The following FAF1 variants were observed in gnomAD, a reference collection of about 807,000 sequenced individuals.
The protein encoded by FAF1 is FAS-associated factor 1.
In FAF1, 25 loss-of-function variants were observed where a neutral mutation model predicts 92.5. The observed-to-expected ratio is 0.27, with a 90% confidence interval of 0.20 to 0.38. The LOEUF (loss-of-function observed/expected upper bound fraction) is 0.38, where lower values mean the gene tolerates loss of function less well. Ranked by LOEUF, FAF1 falls within the 10% of genes least tolerant of loss-of-function variation. The pLI is 1.00. For synonymous variants in FAF1, 234 were observed against 273.2 expected (o/e 0.86, Z 1.42); for missense variants, 636 against 793.3 (o/e 0.80, Z 2.38).
chr1:50,671,421 TAA>T (rs1655871937), intron 7 of FAF1, among the ~76,000 whole-genome samples: 1 of 149,744 alleles, frequency 6.7e-6, no homozygotes, highest in African/African-American at 2.4e-5. Context: ...AAAAAAAAGG[TAA>T]AGTTTGACTT....
intron 6 of FAF1, among the ~76,000 whole-genome samples, chr1:50,713,361 C>T (rs1569818236): frequency 6.6e-6 from 1 of 151,930 alleles, no homozygotes; most frequent in East Asian, 1.9e-4. Context: ...GCAACCTCCG[C>T]CTCCCAGGAT....
chr1:50,639,877 T>A (rs1471667801), intron 8 of FAF1, among the ~76,000 whole-genome samples: 1 of 142,448 alleles, frequency 7.0e-6, no homozygotes, highest in African/African-American at 2.7e-5. Flanking sequence ...GAGGTTGCAG[T>A]GAGCCGAAAT....
intron 18 of FAF1, among the ~76,000 whole-genome samples, chr1:50,467,383 G>A (rs1224699511): frequency 7.9e-5 from 12 of 151,992 alleles, no homozygotes; most frequent in Admixed American, 7.2e-4. Context: ...GCGCAATCTC[G>A]GCTCACTGCA....
intron 9 of FAF1, among the ~76,000 whole-genome samples, chr1:50,590,433 T>A (rs1274164754): frequency 1.3e-5 from 2 of 152,266 alleles, no homozygotes; most frequent in Admixed American, 6.5e-5. Flanking sequence ...TCTAATTTTC[T>A]GTTCAGCTTG....
chr1:50,543,252 C>T (rs1648841184), intron 13 of FAF1, among the ~76,000 whole-genome samples: 1 of 152,104 alleles, frequency 6.6e-6, no homozygotes, highest in South Asian at 2.1e-4. Flanking sequence ...CCAAGCTATA[C>T]TCTAACATAA....
chr1:50,857,137 T>C (rs1227824181), intron 2 of FAF1, among the ~76,000 whole-genome samples: 1 of 151,794 alleles, frequency 6.6e-6, no homozygotes, highest in Non-Finnish European at 1.5e-5. Context: ...TTTTCATATT[T>C]TGAGTTTAAA....
chr1:50,872,873 T>C (rs1027496179), intron 1 of FAF1, among the ~76,000 whole-genome samples: 1 of 151,304 alleles, frequency 6.6e-6, no homozygotes, highest in South Asian at 2.1e-4. Flanking sequence ...CACTCCAGCC[T>C]GGGCAACAAC....
chr1:50,670,438 C>T (rs1655823408), intron 7 of FAF1, among the ~76,000 whole-genome samples: 2 of 151,576 alleles, frequency 1.3e-5, no homozygotes, highest in African/African-American at 4.9e-5. Context: ...CCCTATTGGA[C>T]AATATATTGA....
intron 8 of FAF1, among the ~76,000 whole-genome samples, chr1:50,622,244 C>T (rs935309425): frequency 9.9e-5 from 15 of 152,124 alleles, no homozygotes; most frequent in Non-Finnish European, 1.5e-4. Flanking sequence ...AAGGGTCCGC[C>T]GTAGCTAGGC....
At chr1:50,781,121 G>T in intron 4 of FAF1, 1 of 320,106 alleles carries the variant, frequency 3.1e-6, no homozygotes, top group Non-Finnish European at 6.2e-6. Flanking sequence ...CTGCTGCCAG[G>T]GCAGTCAATA....
At chr1:50,877,306 T>C (rs1489489540) in intron 1 of FAF1, among the ~76,000 whole-genome samples, 1 of 152,152 alleles carries the variant, frequency 6.6e-6, no homozygotes, top group African/African-American at 2.4e-5. Context: ...AGTTTAATCA[T>C]GAGAAAAAGA....
chr1:50,633,317 C>T (rs755545222), intron 8 of FAF1, among the ~76,000 whole-genome samples: 5 of 152,240 alleles, frequency 3.3e-5, no homozygotes, highest in Non-Finnish European at 7.4e-5. Context: ...AAGTTTTATT[C>T]GTAAAATCAG....
At chr1:50,875,654 T>C (rs1202565989) in intron 1 of FAF1, among the ~76,000 whole-genome samples, 8 of 152,166 alleles carry the variant, frequency 5.3e-5, no homozygotes, top group Non-Finnish European at 8.8e-5. Context: ...GATTTCACCA[T>C]GTTGGTCAGG....
chr1:50,843,431 A>G (rs1305070247), intron 2 of FAF1, among the ~76,000 whole-genome samples: 1 of 152,144 alleles, frequency 6.6e-6, no homozygotes, highest in African/African-American at 2.4e-5. Flanking sequence ...AAAATATACA[A>G]TAAATTATTG....
chr1:50,706,118 T>A (rs1657664192), intron 6 of FAF1: 1 of 438,724 alleles, frequency 2.3e-6, no homozygotes, highest in Admixed American at 3.5e-5. Flanking sequence ...ATTTCAAGTC[T>A]AAATGCTTTG....
At chr1:50,548,208 G>C (rs949498260) in intron 13 of FAF1, among the ~76,000 whole-genome samples, 6 of 152,130 alleles carry the variant, frequency 3.9e-5, no homozygotes, top group African/African-American at 1.2e-4. Context: ...CTTTAGCATA[G>C]TAAGAATATT....
chr1:50,724,966 G>A (rs549530920), intron 6 of FAF1, among the ~76,000 whole-genome samples: 1 of 152,236 alleles, frequency 6.6e-6, no homozygotes, highest in African/African-American at 2.4e-5. Context: ...AACTCCTACA[G>A]ACCACATGAG....
chr1:50,606,070 G>A (rs1436381161), intron 8 of FAF1, among the ~76,000 whole-genome samples: 1 of 152,130 alleles, frequency 6.6e-6, no homozygotes, highest in Non-Finnish European at 1.5e-5. Flanking sequence ...ATGTAGCATA[G>A]TGGACTAGAT....
At chr1:50,893,434 T>C (rs570563547) in intron 1 of FAF1, among the ~76,000 whole-genome samples, 1 of 152,248 alleles carries the variant, frequency 6.6e-6, no homozygotes, top group Non-Finnish European at 1.5e-5. Flanking sequence ...TACAGACTTC[T>C]AGAGGTATTG....
Sources: gnomAD v4.1 joint callset for allele counts (sites outside exome capture counted in the v4.1 genomes callset) on GRCh38, gnomAD v4.1.1 for gene constraint, MANE v1.5 for transcripts, NCBI Gene and HGNC (gene_info 2026-07-23, HGNC 2026-07-21) for gene names.